DCAF1: variants seen among roughly 807,000 people sequenced by gnomAD.
DCAF1 encodes the protein DDB1 and CUL4 associated factor 1, also known as DDB1- and CUL4-associated factor 1.
DCAF1 carries 15 observed loss-of-function variants against 128.0 expected under a neutral mutation model. The observed-to-expected ratio is 0.12, with a 90% CI of 0.08 to 0.18. DCAF1 has a LOEUF of 0.18. Among genes scored for constraint, DCAF1 ranks in the 10% least tolerant of loss-of-function variants. DCAF1 has a pLI of 1.00. For synonymous variants in DCAF1, 610 were observed against 603.0 expected (o/e 1.01, Z -0.17); for missense variants, 988 against 1,649.5 (o/e 0.60, Z 6.95).
At chr3:51,454,820 C>T (rs1353965950) in intron 6 of DCAF1, among the ~76,000 whole-genome samples, 1 of 151,960 alleles carries the variant, frequency 6.6e-6, no homozygotes, top group African/African-American at 2.4e-5. Context: ...ACTACAGGCG[C>T]CCACCACCAC....
rs1553638725 is a variant in DCAF1, at chr3:51,441,608, T to A, written c.803A>T (p.Lys268Met). 1 of 1,613,994 alleles carries A rather than the reference T, an allele frequency of 6.2e-7. No homozygotes were observed. The highest frequency in any genetic ancestry group is 1.1e-5 in the South Asian group (1 of 91,086). ...CTCTCTGTCACCCTGTTTTGCTGACTTGTTTTTCTTTAATCCTCCATCCTC... is the reference window on the plus strand; with the variant it reads ...CTCTCTGTCACCCTGTTTTGCTGACATGTTTTTCTTTAATCCTCCATCCTC... ...KPEDGGLKKNKSAKQGDRENF... is the reference protein window; with the variant it reads ...KPEDGGLKKNMSAKQGDRENF... Residue 268 changes from lysine to methionine, a missense_variant, in exon 8 of 25, where the codon AAG becomes ATG. Lys to Met is a moderately conservative substitution (Grantham distance 95). This residue lies in a region of DCAF1 where 210 missense variants were observed against 260.2 expected (regional missense o/e 0.81). Transcript: ENST00000684031.
intron 2 of DCAF1, among the ~76,000 whole-genome samples, chr3:51,496,060 G>C (rs554756407): frequency 3.3e-5 from 5 of 152,216 alleles, no homozygotes; most frequent in African/African-American, 1.2e-4. Flanking sequence ...AGGAGGCCAA[G>C]GCAGGCAGAT....
chr3:51,411,734 G>A (rs1310803082), intron 23 of DCAF1, among the ~76,000 whole-genome samples: 4 of 152,118 alleles, frequency 2.6e-5, no homozygotes, highest in Admixed American at 1.3e-4. Flanking sequence ...TCTCAGCAAA[G>A]TGATTGTTCT....
intron 6 of DCAF1, among the ~76,000 whole-genome samples, chr3:51,450,356 T>C (rs368685505): frequency 2.6e-5 from 4 of 152,156 alleles, no homozygotes; most frequent in South Asian, 2.1e-4. Context: ...ACTATAGTTA[T>C]AAAAATCCTC....
upstream of DCAF1, among the ~76,000 whole-genome samples, chr3:51,502,054 A>C (rs1006864340): frequency 1.3e-5 from 2 of 152,232 alleles, no homozygotes; most frequent in South Asian, 4.1e-4. Flanking sequence ...TGGGCCATGA[A>C]CCTAAAATGT....
chr3:51,490,361 G>A (rs1553657411), intron 2 of DCAF1, among the ~76,000 whole-genome samples: 4 of 152,120 alleles, frequency 2.6e-5, no homozygotes, highest in Non-Finnish European at 2.9e-5. Context: ...AGCCCAGTAA[G>A]TTGAGGCTGC....
At chr3:51,409,900 G>T (rs781869140) in intron 23 of DCAF1, among the ~76,000 whole-genome samples, 1 of 152,142 alleles carries the variant, frequency 6.6e-6, no homozygotes, top group Non-Finnish European at 1.5e-5. Flanking sequence ...ACATGTACAA[G>T]CTGTAACAGC....
intron 23 of DCAF1, among the ~76,000 whole-genome samples, chr3:51,409,050 C>CA (rs1445736415): frequency 1.3e-5 from 2 of 152,302 alleles, no homozygotes; most frequent in Admixed American, 6.5e-5. Flanking sequence ...TCTTGGCTGT[C>CA]ACGCTGAGGC....
chr3:51,473,449 G>A (rs1202069775), intron 3 of DCAF1, among the ~76,000 whole-genome samples: 680 of 37,990 alleles, frequency 0.018, no homozygotes, highest in Middle Eastern at 0.053. Context: ...TTTTTTTTAA[G>A]AAACAGGGTC....
intron 13 of DCAF1, among the ~76,000 whole-genome samples, chr3:51,425,754 G>A (rs1303653665): frequency 1.3e-5 from 2 of 151,526 alleles, no homozygotes; most frequent in African/African-American, 4.8e-5. Flanking sequence ...GGTAGAGATG[G>A]GGTTTCACCA....
In DCAF1 at chr3:51,403,294, C is replaced by T; in HGVS notation, c.4314G>A (p.Glu1438=). The T allele has an allele frequency of 1.9e-6, 3 of 1,594,756 alleles. No homozygotes were observed. The highest frequency in any genetic ancestry group is 1.1e-5 in the South Asian group (1 of 88,270). ...CTGCGTTCTCATTATTGTCGTCCTC[C>T]TCCAACTCCGCCTCCAGCAACTGGT... ...DTDQLLEAEL[E]EDDNNENAGE... is the part of the protein sequence containing the mutation. The change falls in exon 24 of 25, where the codon GAG becomes GAA. Residue 1438 remains glutamate (E), a synonymous_variant. Coordinates refer to ENST00000684031, the MANE Select transcript of DCAF1 (RefSeq NM_001387579.1).
intron 6 of DCAF1, among the ~76,000 whole-genome samples, chr3:51,454,590 T>C (rs900298111): frequency 1.3e-5 from 2 of 152,130 alleles, no homozygotes; most frequent in Admixed American, 6.6e-5. Context: ...CTCAAACTAC[T>C]GGCCTCAAGT....
chr3:51,446,382 G>A (rs1701856291), intron 6 of DCAF1, among the ~76,000 whole-genome samples: 3 of 152,186 alleles, frequency 2.0e-5, no homozygotes, highest in South Asian at 2.1e-4. Flanking sequence ...GGAGACCAAT[G>A]CAGGAGGATT....
At chr3:51,456,254 A>G (rs1553642792) in intron 6 of DCAF1, among the ~76,000 whole-genome samples, 1 of 152,182 alleles carries the variant, frequency 6.6e-6, no homozygotes, top group African/African-American at 2.4e-5. Flanking sequence ...ACACCAGGAG[A>G]TTACATCCCG....
rs535519614 is a variant in DCAF1, at chr3:51,445,502, G to A, written c.376-1599C>T. 5.3e-5 allele frequency among the ~76,000 whole-genome samples: 8 copies of A among 152,282 alleles called. No homozygotes were observed. The South Asian group carries it at 1.2e-3, about 24-fold the overall frequency. ...TACTATATTTGCAGATGAGGAAAAT[G>A]AATCACAGTGAGGCTAGTGAACCAA... On this transcript the variant is annotated intron_variant, in intron 6 of 24. Coordinates refer to ENST00000684031, the MANE Select transcript of DCAF1 (RefSeq NM_001387579.1).
At chr3:51,493,675 A>T (rs1707915898) in intron 2 of DCAF1, among the ~76,000 whole-genome samples, 1 of 152,000 alleles carries the variant, frequency 6.6e-6, no homozygotes, top group African/African-American at 2.4e-5. Flanking sequence ...CAGACACAAA[A>T]GGGCACATAT....
chr3:51,441,932 T>C, intron 7 of DCAF1, 35 bp from the exon 8 acceptor site: 1 of 1,547,734 alleles, frequency 6.5e-7, no homozygotes, highest in Non-Finnish European at 8.6e-7. Context: ...AGGGGGTGCC[T>C]CTTTATTAAG....
intron 6 of DCAF1, among the ~76,000 whole-genome samples, chr3:51,452,860 T>A (rs1259492451): frequency 3.3e-5 from 5 of 151,784 alleles, no homozygotes; most frequent in African/African-American, 4.8e-5. Context: ...AAAAATATTT[T>A]AAAAATTAGC....
chr3:51,484,790 C>A (rs1553654548), intron 2 of DCAF1, among the ~76,000 whole-genome samples: 1 of 149,032 alleles, frequency 6.7e-6, no homozygotes. Context: ...TCAAGCAATT[C>A]TCCTGCCTCA....
Sources: gnomAD v4.1 joint callset for allele counts (sites outside exome capture counted in the v4.1 genomes callset) on GRCh38, gnomAD v4.1.1 for gene constraint, gnomAD v4.1.1 regional missense constraint, MANE v1.5 for transcripts, NCBI Gene and HGNC (gene_info 2026-07-23, HGNC 2026-07-21) for gene names.